Variants in AFAP1 observed in about 807,000 individuals in gnomAD.
AFAP1 encodes the protein actin filament associated protein 1.
A neutral mutation model predicts 93.9 loss-of-function variants in AFAP1; 75 were observed. The ratio of observed to expected loss-of-function variants is 0.80; its 90% CI spans 0.66 to 0.97. The LOEUF (loss-of-function observed/expected upper bound fraction) is 0.97, where lower values mean the gene tolerates loss of function less well. AFAP1 is among the 50% of genes least tolerant of loss of function. The probability of loss-of-function intolerance (pLI) is 0.00; values close to 1 mark genes in which losing one functional copy is unlikely to be tolerated. For synonymous variants in AFAP1, 517 were observed against 430.7 expected, an observed-to-expected ratio of 1.20 and a Z score of -2.48; for missense variants, 1,201 against 1,050.8, an observed-to-expected ratio of 1.14 and a Z score of -1.98.
At chr4:7,884,868 A>G (rs985654875) in intron 1 of AFAP1, among the ~76,000 whole-genome samples, 1 of 152,212 alleles carries the variant, frequency 6.6e-6, no homozygotes, top group Non-Finnish European at 1.5e-5. Context: ...AATGACAAAC[A>G]TGGATTACGG....
intron 4 of AFAP1, among the ~76,000 whole-genome samples, chr4:7,852,388 TGTCA>T (rs1242710882): frequency 6.6e-6 from 1 of 152,188 alleles, no homozygotes; most frequent in African/African-American, 2.4e-5. Context: ...GGGCTCCTCG[TGTCA>T]GTAACAGGCA....
chr4:7,825,175 T>A (rs914739847), intron 6 of AFAP1, among the ~76,000 whole-genome samples: 1 of 152,216 alleles, frequency 6.6e-6, no homozygotes, highest in Admixed American at 6.5e-5. Flanking sequence ...TTATTTCCAC[T>A]TGATAGATAA....
chr4:7,819,201 T>A, intron 6 of AFAP1, 30 bp from the exon 7 acceptor site: 1 of 1,577,014 alleles, frequency 6.3e-7, no homozygotes, highest in East Asian at 2.2e-5. Flanking sequence ...TTTGTGAGTA[T>A]GCCCAAAGGC....
chr4:7,905,828 T>C (rs1355196848), intron 1 of AFAP1, among the ~76,000 whole-genome samples: 2 of 152,162 alleles, frequency 1.3e-5, no homozygotes, highest in African/African-American at 4.8e-5. Context: ...CCCCGTCCCA[T>C]TTCTAGAACA....
chr4:7,897,057 A>C (rs1459924847), intron 1 of AFAP1, among the ~76,000 whole-genome samples: 1 of 151,602 alleles, frequency 6.6e-6, no homozygotes, highest in Non-Finnish European at 1.5e-5. Flanking sequence ...TCCTAATTCT[A>C]TCCACTCCCA....
At chr4:7,796,167 G>A (rs73797315) in intron 10 of AFAP1, among the ~76,000 whole-genome samples, 17,364 of 152,166 alleles carry the variant, frequency 0.11, 1,224 homozygotes, top group East Asian at 0.27. Flanking sequence ...CTGGCCCCCA[G>A]ATCCTGGCTT....
chr4:7,860,440 AT>A (rs1715549288), intron 3 of AFAP1, among the ~76,000 whole-genome samples: 1 of 152,172 alleles, frequency 6.6e-6, no homozygotes, highest in Non-Finnish European at 1.5e-5. Context: ...ACCATTTCCA[AT>A]TTCCAGATTC....
At position 7,796,524 on chromosome 4, in the gene AFAP1, C is replaced by T. The variant is rs377096810; in HGVS notation, c.1267-2698G>A. Among the ~76,000 whole-genome samples, 678 of 151,886 alleles carry T rather than the reference C, an allele frequency of 4.5e-3. 5 individuals carry two copies. The highest frequency in any genetic ancestry group is 0.016 in the African/African-American group (650 of 41,410). Reference sequence around the variant, plus strand: ...CAGCACTTTGGGAGGCCGAGGCGGGCGGATCATGAGGTCAGGAGATCGAGA... The same window carrying T: ...CAGCACTTTGGGAGGCCGAGGCGGGTGGATCATGAGGTCAGGAGATCGAGA... On this transcript the variant is annotated intron_variant, in intron 10 of 17. Transcript: ENST00000420658.
At chr4:7,837,374 C>T (rs1371773881) in intron 6 of AFAP1, among the ~76,000 whole-genome samples, 1 of 152,110 alleles carries the variant, frequency 6.6e-6, no homozygotes, top group East Asian at 1.9e-4. Flanking sequence ...GATTGGTACC[C>T]TTATAAAAGA....
At position 7,800,460 on chromosome 4, in the gene AFAP1, C is replaced by T; in HGVS notation, c.1248G>A (p.Gln416=). ...ATCCTACCTCCAATACTGCAACCTCCTGGCCGTTGCGCAGCAGCCGGAACG... is the reference window on the plus strand; with the variant it reads ...ATCCTACCTCCAATACTGCAACCTCTTGGCCGTTGCGCAGCAGCCGGAACG... ...PLTFRLLRNG[Q]EVAVLEASSS... The change falls in exon 10 of 18, where the codon CAG becomes CAA. Residue 416 remains glutamine, a synonymous_variant. Transcript: ENST00000420658. 1 of 1,614,192 alleles carries T rather than the reference C, an allele frequency of 6.2e-7. No homozygotes were observed. Among genetic ancestry groups the T allele is most frequent in the South Asian group, 1.1e-5 (1 of 91,074 alleles).
intron 6 of AFAP1, among the ~76,000 whole-genome samples, chr4:7,820,990 C>T (rs1287506498): frequency 2.0e-5 from 3 of 152,018 alleles, no homozygotes; most frequent in African/African-American, 7.3e-5. Context: ...TGGTGGTACA[C>T]GCCTGTAATC....
chr4:7,809,021 G>A (rs1002966959), intron 9 of AFAP1, among the ~76,000 whole-genome samples: 5 of 151,848 alleles, frequency 3.3e-5, no homozygotes, highest in African/African-American at 1.2e-4. Flanking sequence ...CAACAGGAAA[G>A]TGACTAACAG....
intron 4 of AFAP1, among the ~76,000 whole-genome samples, chr4:7,849,162 G>A (rs1714147359): frequency 6.6e-6 from 1 of 152,146 alleles, no homozygotes; most frequent in Admixed American, 6.5e-5. Flanking sequence ...CAATGCACTG[G>A]CTTTGCTGAG....
chr4:7,781,255 G>GAA, intron 13 of AFAP1, 121 bp downstream of exon 13: 70 of 1,139,130 alleles, frequency 6.1e-5, no homozygotes, highest in Non-Finnish European at 6.9e-5. Flanking sequence ...TTCTAGTTGA[G>GAA]AAAAAAAAAA....
In AFAP1 at chr4:7,890,812, G is replaced by C. The variant is rs191963733; in HGVS notation, c.-2-18732C>G. Among the ~76,000 whole-genome samples, 356 of 152,140 alleles carry C rather than the reference G, an allele frequency of 2.3e-3. 2 individuals carry two copies. The highest frequency in any genetic ancestry group is 3.2e-3 in the Non-Finnish European group (221 of 68,004). On this transcript the variant is annotated intron_variant, in intron 1 of 17. Transcript: ENST00000420658. ...CATATCAAGCCTTAGCAAAACAGGA[G>C]AGCAACTAGAATCCTCCCACTTTCC...
rs767993259 is a variant in AFAP1, at chr4:7,772,817, C to A, written c.2253+3G>T. On this transcript the variant is annotated splice_donor_region_variant and intron_variant, in intron 16 of 17. Transcript: ENST00000420658. The stretch of plus-strand genomic sequence containing the variant: ...CTCCGAGGTGAGCCAGAAGGACACA[C>A]ACCTGTGGACTCGATGTCCCTGACT... 6.2e-7 allele frequency: 1 copy of A among 1,613,486 alleles called. No individual in the cohort carries two copies. Among genetic ancestry groups the A allele is most frequent in the East Asian group, 2.2e-5 (1 of 44,870 alleles).
chr4:7,793,982 G>A (rs535876566), intron 10 of AFAP1, among the ~76,000 whole-genome samples, 156 bp from the exon 11 acceptor site: 5 of 152,332 alleles, frequency 3.3e-5, no homozygotes, highest in South Asian at 2.1e-4. Context: ...TGGGATTAAC[G>A]TCACGTTCGC....
chr4:7,811,010 G>A (rs562465264), intron 8 of AFAP1, among the ~76,000 whole-genome samples: 4 of 152,354 alleles, frequency 2.6e-5, no homozygotes, highest in Admixed American at 1.3e-4. Flanking sequence ...CACCAGAACC[G>A]AGTGACAAGA....
chr4:7,759,833 C>T lies in AFAP1; in HGVS notation c.*3932G>A, dbSNP rs1713531191. 1 of 152,284 alleles carries T rather than the reference C, an allele frequency of 6.6e-6. No homozygotes were observed. Among genetic ancestry groups the T allele is most frequent in the Non-Finnish European group, 1.5e-5 (1 of 68,066 alleles). 9.4% of individuals were successfully genotyped at this position (152,284 alleles called of 1,614,324 possible). A position where few individuals can be genotyped will look rare whatever the true frequency, so the allele number is the denominator to read the frequency against. ...GCCACCTGTGAGCTCAGGGTGTCGG[C>T]CCCGCCCTGTGGCACAAGGTGCCTT... is the stretch of plus-strand genomic sequence containing the variant. On this transcript the variant is annotated 3_prime_UTR_variant, in exon 18 of 18. Transcript: ENST00000420658.
Sources: allele counts gnomAD v4.1 joint callset (sites outside exome capture counted in the v4.1 genomes callset), GRCh38; gene constraint gnomAD v4.1.1; transcripts MANE v1.5; gene names NCBI Gene and HGNC (gene_info 2026-07-23, HGNC 2026-07-21).